The following ZFAND3 variants were observed in gnomAD, a reference collection of about 807,000 sequenced individuals.
ZFAND3 encodes the protein zinc finger AN1-type containing 3.
ZFAND3 carries 10 observed loss-of-function variants against 29.6 expected under a neutral mutation model. That is an observed-to-expected ratio of 0.34 (90% CI 0.21 to 0.57). The LOEUF (loss-of-function observed/expected upper bound fraction) is 0.57. Among genes scored for constraint, ZFAND3 ranks in the 20% least tolerant of loss-of-function variants. The pLI is 0.86. For missense variants in ZFAND3, 230 were observed against 304.5 expected, an observed-to-expected ratio of 0.76 and a Z score of 1.82; for synonymous variants, 128 against 112.6, an observed-to-expected ratio of 1.14 and a Z score of -0.87.
chr6:37,957,278 T>C (rs572214742), intron 2 of ZFAND3, among the ~76,000 whole-genome samples: 65 of 152,326 alleles, frequency 4.3e-4, no homozygotes, highest in Non-Finnish European at 7.8e-4. Flanking sequence ...CCATTTCTTA[T>C]ATCCTTAGTC....
intron 2 of ZFAND3, among the ~76,000 whole-genome samples, chr6:37,934,838 CAAAAAAAAAAAAAAAA>C (rs61670894): frequency 3.0e-4 from 21 of 70,606 alleles, no homozygotes; most frequent in Admixed American, 7.9e-4. Flanking sequence ...GACTCTGTCT[CAAAAAAAAAAAAAAAA>C]AAAAAAAAAA....
At position 37,970,245 on chromosome 6, in the gene ZFAND3, G is replaced by A. The variant is rs146213882; in HGVS notation, c.112+40246G>A. On this transcript the variant is annotated intron_variant, in intron 2 of 5. Transcript: ENST00000287218. ...AGAAGAAAAACATGTATAGGTCAGG[G>A]ATCAAAAATGTGTCAGATTTTTCAT... 3.0e-3 allele frequency among the ~76,000 whole-genome samples: 454 copies of A among 152,258 alleles called. 1 individual carries two copies. The highest frequency in any genetic ancestry group is 0.011 in the African/African-American group (437 of 41,550).
intron 1 of ZFAND3, among the ~76,000 whole-genome samples, chr6:37,851,105 C>T (rs9470722): frequency 2.0e-5 from 3 of 149,730 alleles, no homozygotes; most frequent in Admixed American, 6.6e-5. Context: ...TGGAGTGCAG[C>T]GGTGTGACAG....
chr6:38,085,089 T>C lies in ZFAND3; in HGVS notation c.361+2632T>C, dbSNP rs147294962. 2.0e-5 allele frequency among the ~76,000 whole-genome samples: 3 copies of C among 152,328 alleles called. No homozygotes were observed. The East Asian group carries it at 5.8e-4, about 29-fold the overall frequency. On this transcript the variant is annotated intron_variant, in intron 4 of 5. Transcript: ENST00000287218. Reference sequence around the variant, plus strand: ...GTCAGCAGGTTGCCCATGGTGGGGATTTCAATCATTTTTCTTCTGAACCAC... The same window carrying C: ...GTCAGCAGGTTGCCCATGGTGGGGACTTCAATCATTTTTCTTCTGAACCAC...
chr6:38,020,107 A>C (rs558136861), intron 2 of ZFAND3, among the ~76,000 whole-genome samples: 2 of 152,218 alleles, frequency 1.3e-5, no homozygotes, highest in East Asian at 3.8e-4. Flanking sequence ...ATCCAGGCAC[A>C]TGGGCAAATC....
At chr6:37,913,708 C>CTTTTTTTTTTTT (rs56045448) in intron 1 of ZFAND3, among the ~76,000 whole-genome samples, 1,386 of 112,866 alleles carry the variant, frequency 0.012, 78 homozygotes, top group Non-Finnish European at 0.021. Flanking sequence ...CAGCTATATT[C>CTTTTTTTTTTTT]TTTTTTTTTT....
chr6:37,868,839 G>A (rs763354391), intron 1 of ZFAND3, among the ~76,000 whole-genome samples: 26 of 152,134 alleles, frequency 1.7e-4, no homozygotes, highest in Non-Finnish European at 2.6e-4. Flanking sequence ...GATATGAGGT[G>A]TTATGCTTGC....
At position 38,030,051 on chromosome 6, in the gene ZFAND3, GATATATATATATATATATATATATATAT is replaced by G. The variant is rs58560520; in HGVS notation, c.113-31518_113-31491del. 3.4e-3 allele frequency among the ~76,000 whole-genome samples: 319 copies of G among 94,986 alleles called. 4 individuals carry two copies. The Middle Eastern group carries it at 0.037, about 11-fold the overall frequency. 62.3% of individuals were successfully genotyped at this position (94,986 alleles called of 152,430 possible). A position where few individuals can be genotyped will look rare whatever the true frequency, so the allele number is the denominator to read the frequency against. ...CATTTCTTGTTATGTAGTTCTGCTGGATATATATATATATATATATATATATATATATATATATATATATATATATAGC... is the reference window on the plus strand; with the variant it reads ...CATTTCTTGTTATGTAGTTCTGCTGGATATATATATATATATATATATAGC... On this transcript the variant is annotated intron_variant, in intron 2 of 5. Transcript: ENST00000287218.
chr6:37,895,059 T>G (rs888405970), intron 1 of ZFAND3, among the ~76,000 whole-genome samples: 5 of 152,162 alleles, frequency 3.3e-5, no homozygotes, highest in African/African-American at 9.6e-5. Context: ...TCCAATCAGT[T>G]TTTAAACATT....
intron 2 of ZFAND3, among the ~76,000 whole-genome samples, chr6:38,046,310 A>C (rs1203673032): frequency 6.6e-6 from 1 of 152,234 alleles, no homozygotes; most frequent in Admixed American, 6.5e-5. Flanking sequence ...GTTTAGTGCT[A>C]TCTGAAGGAA....
intron 1 of ZFAND3, among the ~76,000 whole-genome samples, chr6:37,927,459 G>A (rs545297127): frequency 6.6e-6 from 1 of 152,330 alleles, no homozygotes; most frequent in African/African-American, 2.4e-5. Context: ...GGAGATGAGA[G>A]GGGAGGGGAC....
intron 2 of ZFAND3, among the ~76,000 whole-genome samples, chr6:37,993,242 G>T (rs1762790420): frequency 6.6e-6 from 1 of 151,970 alleles, no homozygotes; most frequent in African/African-American, 2.4e-5. Flanking sequence ...TCCTTTATGT[G>T]ACATGATGAA....
chr6:37,925,771 TATGAGTGGAAAAG>T (rs1761474229), intron 1 of ZFAND3, among the ~76,000 whole-genome samples: 1 of 151,816 alleles, frequency 6.6e-6, no homozygotes, highest in African/African-American at 2.4e-5. Context: ...TTCCCATTTA[TATGAGTGGAAAAG>T]ATGGGTCAGG....
intron 1 of ZFAND3, among the ~76,000 whole-genome samples, chr6:37,892,133 A>G (rs1765116515): frequency 6.6e-6 from 1 of 152,234 alleles, no homozygotes; most frequent in South Asian, 2.1e-4. Flanking sequence ...GAAATAATAC[A>G]AATCATTTTC....
At chr6:38,130,816 A>G (rs1765727822) in intron 5 of ZFAND3, among the ~76,000 whole-genome samples, 1 of 152,136 alleles carries the variant, frequency 6.6e-6, no homozygotes, top group Non-Finnish European at 1.5e-5. Context: ...TTAGGGTGAT[A>G]CTGGCTTCAT....
chr6:37,977,043 A>G (rs1227334836), intron 2 of ZFAND3, among the ~76,000 whole-genome samples: 1 of 152,240 alleles, frequency 6.6e-6, no homozygotes, highest in Non-Finnish European at 1.5e-5. Flanking sequence ...ATGCATTCAG[A>G]GAAATGCATT....
rs1766311128 is a variant in ZFAND3, at chr6:38,154,480, T to C, written c.*2091T>C. On this transcript the variant is annotated 3_prime_UTR_variant, in exon 6 of 6. Coordinates refer to ENST00000287218, the MANE Select transcript of ZFAND3 (RefSeq NM_021943.3). ...TGTATCTTTAAAAGAGAAAATCTTA[T>C]TTAACCCTTTTGTGTTCTAGATTTA... 1.0e-6 allele frequency: 1 copy of C among 984,420 alleles called. No individual in the cohort carries two copies. The highest frequency in any genetic ancestry group is 1.2e-6 in the Non-Finnish European group (1 of 828,570). The allele number at this position is 984,420 out of a possible 1,614,324, so 61.0% of individuals were successfully genotyped here.
intron 4 of ZFAND3, among the ~76,000 whole-genome samples, chr6:38,115,473 T>C (rs1346508118): frequency 6.6e-6 from 1 of 152,184 alleles, no homozygotes; most frequent in Non-Finnish European, 1.5e-5. Context: ...ACTTGTCTGC[T>C]ATGTGGAGAA....
At chr6:37,923,408 A>G (rs1435063647) in intron 1 of ZFAND3, among the ~76,000 whole-genome samples, 1 of 152,186 alleles carries the variant, frequency 6.6e-6, no homozygotes, top group African/African-American at 2.4e-5. Context: ...CTTCAGGGGT[A>G]GTAATTGGTA....
Sources: gnomAD v4.1 joint callset for allele counts (sites outside exome capture counted in the v4.1 genomes callset) on GRCh38, gnomAD v4.1.1 for gene constraint, MANE v1.5 for transcripts, NCBI Gene and HGNC (gene_info 2026-07-23, HGNC 2026-07-21) for gene names.